Variants in KIAA1217 observed in about 807,000 individuals in gnomAD.
KIAA1217 encodes KIAA1217.
Under a neutral mutation model 163.9 loss-of-function variants are expected in KIAA1217, and 88 were observed. The observed-to-expected ratio is 0.54, with a 90% CI of 0.45 to 0.64. KIAA1217 has a LOEUF of 0.64. Among genes scored for constraint, KIAA1217 ranks in the 30% least tolerant of loss-of-function variants. The pLI, the probability that KIAA1217 is intolerant of heterozygous loss-of-function variation, is 0.00. For synonymous variants in KIAA1217, 903 were observed against 923.1 expected (o/e 0.98, Z 0.39); for missense variants, 2,372 against 2,475.0 (o/e 0.96, Z 0.88).
intron 2 of KIAA1217, among the ~76,000 whole-genome samples, chr10:24,147,261 T>C (rs1044193089): frequency 4.6e-5 from 7 of 152,218 alleles, no homozygotes; most frequent in African/African-American, 1.4e-4. Context: ...TTTTTATTTT[T>C]GCAGTTCAGT....
chr10:23,751,036 T>C (rs1259506624), intron 1 of KIAA1217, among the ~76,000 whole-genome samples: 1 of 151,772 alleles, frequency 6.6e-6, no homozygotes, highest in Non-Finnish European at 1.5e-5. Context: ...TTTTGGTTTT[T>C]GTTTTTTTGG....
chr10:24,055,464 C>G (rs1205890560), intron 2 of KIAA1217, among the ~76,000 whole-genome samples: 1 of 152,086 alleles, frequency 6.6e-6, no homozygotes, highest in Non-Finnish European at 1.5e-5. Context: ...TAAGGGGACC[C>G]CTACTCCTCC....
At chr10:24,369,497 A>G (rs2051268391) in intron 2 of KIAA1217, among the ~76,000 whole-genome samples, 1 of 152,114 alleles carries the variant, frequency 6.6e-6, no homozygotes, top group Admixed American at 6.6e-5. Context: ...GGCCTTTGCT[A>G]GCAAGGAAAG....
chr10:23,999,278 C>T (rs1461275957), intron 1 of KIAA1217, among the ~76,000 whole-genome samples: 1 of 152,116 alleles, frequency 6.6e-6, no homozygotes, highest in African/African-American at 2.4e-5. Flanking sequence ...AGGGAGGGTG[C>T]CTCATTGCAA....
intron 1 of KIAA1217, among the ~76,000 whole-genome samples, chr10:23,709,247 G>T (rs1837077941): frequency 6.6e-6 from 1 of 152,136 alleles, no homozygotes; most frequent in East Asian, 1.9e-4. Context: ...CTTTCAGGTG[G>T]GTGCGGTGGC....
At chr10:24,080,641 T>C (rs1156738775) in intron 2 of KIAA1217, among the ~76,000 whole-genome samples, 1 of 152,198 alleles carries the variant, frequency 6.6e-6, no homozygotes, top group African/African-American at 2.4e-5. Flanking sequence ...CCTTCCAACT[T>C]TGCATAGTCA....
chr10:23,987,800 A>C (rs574516534), intron 1 of KIAA1217, among the ~76,000 whole-genome samples: 2 of 152,084 alleles, frequency 1.3e-5, no homozygotes, highest in Non-Finnish European at 2.9e-5. Context: ...AGCTCCTCTC[A>C]TCTTATTGTT....
At chr10:24,226,270 A>G (rs1470408472) in intron 2 of KIAA1217, among the ~76,000 whole-genome samples, 5 of 152,094 alleles carry the variant, frequency 3.3e-5, no homozygotes, top group African/African-American at 1.2e-4. Flanking sequence ...TGTTGACATC[A>G]TGTACATCAC....
chr10:24,409,015 G>A (rs1191567684), intron 3 of KIAA1217, among the ~76,000 whole-genome samples: 1 of 152,184 alleles, frequency 6.6e-6, no homozygotes, highest in African/African-American at 2.4e-5. Context: ...ATAAATATGT[G>A]TTGCATTAGT....
At chr10:24,366,412 T>G (rs1162441358) in intron 2 of KIAA1217, among the ~76,000 whole-genome samples, 1 of 152,050 alleles carries the variant, frequency 6.6e-6, no homozygotes, top group Non-Finnish European at 1.5e-5. Flanking sequence ...GCCACTGCAC[T>G]CCAGCCTGGG....
At position 24,235,153 on chromosome 10, in the gene KIAA1217, G is replaced by T. The variant is rs546571204; in HGVS notation, c.354+15244G>T. Among the ~76,000 whole-genome samples, 3 of 152,240 alleles carry T rather than the reference G, an allele frequency of 2.0e-5. No individual in the cohort carries two copies. In the South Asian group the frequency reaches 6.2e-4, roughly 32 times the overall value. On this transcript the variant is annotated intron_variant, in intron 2 of 20. Coordinates refer to ENST00000376454, the MANE Select transcript of KIAA1217 (RefSeq NM_019590.5). Reference sequence around the variant, plus strand: ...ATGAGGTCTACTCACATTATGGTGGGCCATCTGCCTTACTCCAAGTCTACT... The same window carrying T: ...ATGAGGTCTACTCACATTATGGTGGTCCATCTGCCTTACTCCAAGTCTACT...
intron 2 of KIAA1217, among the ~76,000 whole-genome samples, chr10:24,092,138 A>T (rs2061959858): frequency 6.6e-6 from 1 of 151,608 alleles, no homozygotes; most frequent in Non-Finnish European, 1.5e-5. Context: ...AACATGCTCA[A>T]GTATCTTTTA....
intron 1 of KIAA1217, among the ~76,000 whole-genome samples, chr10:23,991,678 G>A (rs926660519): frequency 3.3e-5 from 5 of 152,038 alleles, no homozygotes; most frequent in East Asian, 1.9e-4. Flanking sequence ...CGCATTTCAC[G>A]TATATGATAT....
At chr10:24,410,531 C>A (rs926101832) in intron 3 of KIAA1217, among the ~76,000 whole-genome samples, 3 of 152,056 alleles carry the variant, frequency 2.0e-5, no homozygotes, top group Non-Finnish European at 4.4e-5. Flanking sequence ...AGTAATGATA[C>A]CCATTTACAA....
chr10:24,225,570 A>G (rs1298470705), intron 2 of KIAA1217, among the ~76,000 whole-genome samples: 1 of 152,204 alleles, frequency 6.6e-6, no homozygotes, highest in African/African-American at 2.4e-5. Flanking sequence ...TATCCCATAT[A>G]TATTTATTTG....
At chr10:24,207,501 C>A (rs925032697), upstream of KIAA1217, among the ~76,000 whole-genome samples, 1 of 152,184 alleles carries the variant, frequency 6.6e-6, no homozygotes, top group Non-Finnish European at 1.5e-5. Flanking sequence ...GGCCTTTGCC[C>A]AGGGGCCACC....
intron 2 of KIAA1217, among the ~76,000 whole-genome samples, chr10:24,246,181 C>A (rs1349715111): frequency 1.3e-5 from 2 of 152,184 alleles, no homozygotes; most frequent in Non-Finnish European, 2.9e-5. Flanking sequence ...TTCAATTTCT[C>A]CCTTGTGGGC....
At chr10:24,064,421 C>A (rs990008588) in intron 2 of KIAA1217, among the ~76,000 whole-genome samples, 3 of 152,118 alleles carry the variant, frequency 2.0e-5, no homozygotes, top group African/African-American at 7.2e-5. Context: ...GTCTTTGGTT[C>A]TGTTTATATG....
chr10:24,140,022 C>T (rs11013916), intron 2 of KIAA1217, among the ~76,000 whole-genome samples: 1 of 150,478 alleles, frequency 6.6e-6, no homozygotes. Flanking sequence ...TTTTTTCCCC[C>T]TTATCAAATT....
Sources: allele counts gnomAD v4.1 joint callset (sites outside exome capture counted in the v4.1 genomes callset), GRCh38; gene constraint gnomAD v4.1.1; transcripts MANE v1.5; gene names NCBI Gene and HGNC (gene_info 2026-07-23, HGNC 2026-07-21).